Variants in CALN1 observed in about 807,000 individuals in gnomAD.
CALN1 encodes calneuron 1, also known as calcium-binding protein 8.
CALN1 carries 17 observed loss-of-function variants against 30.6 expected under a neutral mutation model. The observed-to-expected ratio is 0.56, with a 90% CI of 0.38 to 0.83. CALN1 has a LOEUF of 0.83. Among genes scored for constraint, CALN1 ranks in the 40% least tolerant of loss-of-function variants. The pLI, the probability that CALN1 is intolerant of heterozygous loss-of-function variation, is 0.00. For missense variants in CALN1, 291 were observed against 354.9 expected (o/e 0.82, Z 1.45); for synonymous variants, 156 against 131.4 (o/e 1.19, Z -1.28).
At chr7:72,437,658 T>TTTCTTTTC (rs371068497) in intron 1 of CALN1, among the ~76,000 whole-genome samples, 421 of 140,916 alleles carry the variant, frequency 3.0e-3, no homozygotes, top group African/African-American at 0.011. Context: ...TCTTTCTTTC[T>TTTCTTTTC]TTTCTTTCTT....
At chr7:71,963,226 G>A (rs1231005464) in intron 5 of CALN1, among the ~76,000 whole-genome samples, 4 of 152,080 alleles carry the variant, frequency 2.6e-5, no homozygotes, top group Middle Eastern at 3.2e-3. Context: ...GCGGCGGCGC[G>A]ATCTCGGCTC....
At chr7:72,175,132 G>A (rs1789254706) in intron 3 of CALN1, among the ~76,000 whole-genome samples, 1 of 151,450 alleles carries the variant, frequency 6.6e-6, no homozygotes, top group African/African-American at 2.4e-5. Context: ...GGAGTGCAGT[G>A]GCGCAATCTC....
chr7:72,408,518 T>G (rs1032910780), intron 1 of CALN1, among the ~76,000 whole-genome samples: 2 of 151,948 alleles, frequency 1.3e-5, no homozygotes, highest in East Asian at 3.9e-4. Flanking sequence ...GTAACTGGAA[T>G]ATGTTGGTGA....
At chr7:71,952,828 A>G (rs533634630) in intron 5 of CALN1, among the ~76,000 whole-genome samples, 4 of 152,166 alleles carry the variant, frequency 2.6e-5, no homozygotes, top group Admixed American at 1.3e-4. Flanking sequence ...TTCACATTCA[A>G]AGCTCATCAA....
intron 3 of CALN1, among the ~76,000 whole-genome samples, chr7:72,115,583 G>T (rs1807927213): frequency 6.7e-6 from 1 of 148,384 alleles, no homozygotes; most frequent in Admixed American, 6.8e-5. Flanking sequence ...CCATCTCCTG[G>T]GTCCAAGCAA....
intron 2 of CALN1, among the ~76,000 whole-genome samples, chr7:72,286,802 C>T (rs1204512415): frequency 2.0e-5 from 3 of 152,116 alleles, no homozygotes; most frequent in Non-Finnish European, 4.4e-5. Flanking sequence ...GAAGGAAGAA[C>T]TTTCAAGAAG....
chr7:72,029,614 G>C (rs970630873), intron 4 of CALN1, among the ~76,000 whole-genome samples: 1 of 152,192 alleles, frequency 6.6e-6, no homozygotes, highest in African/African-American at 2.4e-5. Context: ...GGAAAGAGGA[G>C]CTGAAGACTA....
At chr7:71,920,140 G>T (rs1344933517) in intron 5 of CALN1, among the ~76,000 whole-genome samples, 1 of 152,072 alleles carries the variant, frequency 6.6e-6, no homozygotes, top group Non-Finnish European at 1.5e-5. Flanking sequence ...ATGCCACTAT[G>T]TACTTCCTGC....
intron 4 of CALN1, among the ~76,000 whole-genome samples, chr7:72,040,807 G>A (rs1278703166): frequency 6.6e-6 from 1 of 152,150 alleles, no homozygotes; most frequent in Non-Finnish European, 1.5e-5. Flanking sequence ...GTGGTCATGT[G>A]CAAGACAGGA....
intron 5 of CALN1, among the ~76,000 whole-genome samples, chr7:71,937,996 T>C (rs1795932886): frequency 6.6e-6 from 1 of 152,202 alleles, no homozygotes. Context: ...GGGAGGTCCC[T>C]TGGGAGGGTT....
chr7:72,471,914 C>T, the CALN1 span, among the ~76,000 whole-genome samples: 2 of 152,142 alleles, frequency 1.3e-5, no homozygotes, highest in Non-Finnish European at 2.9e-5. Flanking sequence ...ATCCTCCTGC[C>T]TTAATCTCCC....
At chr7:72,160,565 T>C (rs1788034287) in intron 3 of CALN1, among the ~76,000 whole-genome samples, 1 of 152,026 alleles carries the variant, frequency 6.6e-6, no homozygotes, top group Non-Finnish European at 1.5e-5. Flanking sequence ...AGGCATGAGC[T>C]ACCATGCCCA....
At chr7:71,918,201 C>A (rs1326155792) in intron 5 of CALN1, among the ~76,000 whole-genome samples, 1 of 152,200 alleles carries the variant, frequency 6.6e-6, no homozygotes, top group African/African-American at 2.4e-5. Context: ...ACTGTACACA[C>A]ACATGTGTGC....
chr7:72,232,421 C>A (rs185455016), intron 3 of CALN1, among the ~76,000 whole-genome samples: 41 of 152,198 alleles, frequency 2.7e-4, no homozygotes, highest in African/African-American at 7.0e-4. Flanking sequence ...GTTATTGTCA[C>A]TTCATGCAAT....
chr7:72,132,890 C>A (rs538043784), intron 3 of CALN1, among the ~76,000 whole-genome samples: 1 of 152,222 alleles, frequency 6.6e-6, no homozygotes, highest in South Asian at 2.1e-4. Flanking sequence ...AGGTGAGCAG[C>A]GGGCGAGTGA....
chr7:71,813,195 G>GC (rs56901047), intron 5 of CALN1, among the ~76,000 whole-genome samples: 152,033 of 152,042 alleles, frequency 1, 76,012 homozygotes, highest in Middle Eastern at 1. Flanking sequence ...ATAGGCATGT[G>GC]CACCACACCT....
intron 2 of CALN1, among the ~76,000 whole-genome samples, chr7:72,362,637 T>C (rs1256268461): frequency 6.6e-6 from 1 of 152,182 alleles, no homozygotes; most frequent in Non-Finnish European, 1.5e-5. Flanking sequence ...AAGTTCTCTC[T>C]ACCCCTCCAC....
intron 2 of CALN1, among the ~76,000 whole-genome samples, chr7:72,348,741 A>C (rs1182662733): frequency 6.6e-6 from 1 of 152,270 alleles, no homozygotes; most frequent in Non-Finnish European, 1.5e-5. Context: ...CTAGAATAAC[A>C]GCTATTTAAG....
intron 2 of CALN1, among the ~76,000 whole-genome samples, chr7:72,339,547 A>T (rs1274429632): frequency 3.9e-5 from 6 of 152,238 alleles, no homozygotes; most frequent in African/African-American, 1.4e-4. Context: ...AGCTTAAAAC[A>T]ATAGCCAAGG....
Sources: gnomAD v4.1 joint callset for allele counts (sites outside exome capture counted in the v4.1 genomes callset) on GRCh38, gnomAD v4.1.1 for gene constraint, MANE v1.5 for transcripts, NCBI Gene and HGNC (gene_info 2026-07-23, HGNC 2026-07-21) for gene names.